SORBS2: variants seen among roughly 807,000 people sequenced by gnomAD.
SORBS2 encodes the protein sorbin and SH3 domain containing 2.
A neutral mutation model predicts 97.7 loss-of-function variants in SORBS2; 46 were observed. The observed-to-expected ratio is 0.47, with a 90% confidence interval of 0.37 to 0.60. The LOEUF (loss-of-function observed/expected upper bound fraction) is 0.60, where lower values mean the gene tolerates loss of function less well. Ranked by LOEUF, SORBS2 falls within the 20% of genes least tolerant of loss-of-function variation. The pLI is 0.00. For missense variants in SORBS2, 1,316 were observed against 1,282.3 expected, an observed-to-expected ratio of 1.03 and a Z score of -0.40; for synonymous variants, 476 against 473.4, an observed-to-expected ratio of 1.01 and a Z score of -0.07.
chr4:185,743,854 A>C (rs1271137850), intron 2 of SORBS2, among the ~76,000 whole-genome samples: 65 of 100,612 alleles, frequency 6.5e-4, no homozygotes, highest in Admixed American at 6.6e-4. Flanking sequence ...TCCTCCTTCT[A>C]TTTTCTTTCC....
chr4:185,612,741 C>T lies in SORBS2; in HGVS notation c.2596-761G>A, dbSNP rs965294328. Among the ~76,000 whole-genome samples the T allele has an allele frequency of 3.3e-5, 5 of 152,264 alleles. No homozygotes were observed. The East Asian group carries it at 5.8e-4, about 18-fold the overall frequency. On this transcript the variant is annotated intron_variant, in intron 11 of 14. Coordinates refer to ENST00000418609, the Ensembl canonical transcript of SORBS2. ...CTGACCTCAAGTGATCTGACCGCCT[C>T]GGCCTCCCAAAGTGCTGGGATTGCA...
At chr4:185,591,726 A>G (rs528688162) in intron 13 of SORBS2, among the ~76,000 whole-genome samples, 1 of 152,286 alleles carries the variant, frequency 6.6e-6, no homozygotes, top group South Asian at 2.1e-4. Context: ...AACCCTGCCC[A>G]GGCTCATCTC....
chr4:185,720,954 C>G (rs2098507983), intron 2 of SORBS2, among the ~76,000 whole-genome samples: 1 of 152,120 alleles, frequency 6.6e-6, no homozygotes, highest in Non-Finnish European at 1.5e-5. Flanking sequence ...ATCTTCTCAC[C>G]CTTGCATTGG....
At chr4:185,794,273 A>T (rs1284801522) in intron 1 of SORBS2, among the ~76,000 whole-genome samples, 3 of 152,174 alleles carry the variant, frequency 2.0e-5, no homozygotes, top group South Asian at 2.1e-4. Flanking sequence ...GAGAAGGAGG[A>T]GGAGGGAGGA....
intron 9 of SORBS2, among the ~76,000 whole-genome samples, chr4:185,617,326 A>G (rs2096644748): frequency 6.6e-6 from 1 of 152,190 alleles, no homozygotes; most frequent in Non-Finnish European, 1.5e-5. Flanking sequence ...AAAAAGATGT[A>G]AGCTTTTCTT....
At chr4:185,914,122 C>A (rs2099256807) in intron 1 of SORBS2, among the ~76,000 whole-genome samples, 1 of 152,230 alleles carries the variant, frequency 6.6e-6, no homozygotes, top group Admixed American at 6.5e-5. Context: ...GGGTTATTTT[C>A]ACTGTGGACA....
chr4:185,916,593 T>C (rs1421971974), intron 1 of SORBS2, among the ~76,000 whole-genome samples: 1 of 152,196 alleles, frequency 6.6e-6, no homozygotes, highest in African/African-American at 2.4e-5. Flanking sequence ...ACGCCCAAGA[T>C]ACGACACTCC....
rs1185991188 is a variant in SORBS2, at chr4:185,820,261, C to T, written c.-337-44895G>A. On this transcript the variant is annotated intron_variant, in intron 1 of 20. Coordinates refer to the SORBS2 transcript ENST00000284776. Reference sequence around the variant, plus strand: ...ACTAGTGTCATCAGTGGGAACTTATCGCAGGCTCCCTGCAACCTCACCTGG... The same window carrying T: ...ACTAGTGTCATCAGTGGGAACTTATTGCAGGCTCCCTGCAACCTCACCTGG... Among the ~76,000 whole-genome samples, 4 of 152,170 alleles carry T rather than the reference C, an allele frequency of 2.6e-5. No homozygotes were observed. The East Asian group carries it at 5.8e-4, about 22-fold the overall frequency.
chr4:185,691,808 G>C (rs1396891830), intron 2 of SORBS2, among the ~76,000 whole-genome samples: 1 of 151,936 alleles, frequency 6.6e-6, no homozygotes, highest in Non-Finnish European at 1.5e-5. Flanking sequence ...GCAGTGGTGC[G>C]ATCTCGGCTC....
At position 185,767,499 on chromosome 4, in the gene SORBS2, C is replaced by CAAAAAAAAAA. The variant is rs70962594; in HGVS notation, c.-198+7718_-198+7727dup. ...TGGGCGACAGAGTGAGACTCTGTCT[C>CAAAAAAAAAA]AAAAAAAAAAAAAAAAAAAAGAGAA... On this transcript the variant is annotated intron_variant, in intron 2 of 20. Transcript: ENST00000284776. Among the ~76,000 whole-genome samples, 58 of 60,680 alleles carry CAAAAAAAAAA rather than the reference C, an allele frequency of 9.6e-4. 2 individuals are homozygous for CAAAAAAAAAA. The East Asian group carries it at 0.018, about 19-fold the overall frequency. 39.8% of individuals were successfully genotyped at this position (60,680 alleles called of 152,430 possible). A position where few individuals can be genotyped will look rare whatever the true frequency, so the allele number is the denominator to read the frequency against.
At chr4:185,793,420 A>G (rs2099090467) in intron 1 of SORBS2, among the ~76,000 whole-genome samples, 1 of 152,224 alleles carries the variant, frequency 6.6e-6, no homozygotes, top group African/African-American at 2.4e-5. Context: ...CCTTAGTGCA[A>G]TGTAATTAAT....
intron 1 of SORBS2, among the ~76,000 whole-genome samples, chr4:185,938,869 C>T (rs2099270432): frequency 6.6e-6 from 1 of 152,168 alleles, no homozygotes; most frequent in Non-Finnish European, 1.5e-5. Context: ...TTACATTCAA[C>T]CCTCTAACTA....
At chr4:185,730,682 G>A (rs1316677035) in intron 2 of SORBS2, among the ~76,000 whole-genome samples, 1 of 152,238 alleles carries the variant, frequency 6.6e-6, no homozygotes, top group Non-Finnish European at 1.5e-5. Context: ...GGTTGCAGTA[G>A]TAAGTTTGCA....
At chr4:185,620,107 C>T in exon 8 of SORBS2, 1 of 1,612,636 alleles carries the variant, frequency 6.2e-7, no homozygotes, top group Non-Finnish European at 8.5e-7. Flanking sequence ...GCACTTCTCC[C>T]CATGTCAGTC....
At chr4:185,747,407 C>A (rs1172111691) in intron 2 of SORBS2, among the ~76,000 whole-genome samples, 1 of 152,220 alleles carries the variant, frequency 6.6e-6, no homozygotes, top group Non-Finnish European at 1.5e-5. Context: ...GAATTTCTTG[C>A]AAACGCTTGA....
rs2099153884 is a variant in SORBS2, at chr4:185,806,434, C to CTGTTTTTTT, written c.-337-31069_-337-31068insAAAAAAACA. Among the ~76,000 whole-genome samples, 105 of 108,150 alleles carry CTGTTTTTTT rather than the reference C, an allele frequency of 9.7e-4. 48 individuals are homozygous for CTGTTTTTTT. Among genetic ancestry groups the CTGTTTTTTT allele is most frequent in the African/African-American group, 3.4e-3 (92 of 27,296 alleles). 71.0% of individuals were successfully genotyped at this position (108,150 alleles called of 152,430 possible). A position where few individuals can be genotyped will look rare whatever the true frequency, so the allele number is the denominator to read the frequency against. ...AGTGGCACAGCTCTTGGCTAGAATCCTATTTTTTTTTTTTTTTTTTTTTTT... is the reference window on the plus strand; with the variant it reads ...AGTGGCACAGCTCTTGGCTAGAATCCTGTTTTTTTTATTTTTTTTTTTTTTTTTTTTTTT... On this transcript the variant is annotated intron_variant, in intron 1 of 20. Transcript: ENST00000284776.
At chr4:185,706,565 AC>A (rs1463847886) in intron 2 of SORBS2, among the ~76,000 whole-genome samples, 1 of 152,080 alleles carries the variant, frequency 6.6e-6, no homozygotes, top group Non-Finnish European at 1.5e-5. Context: ...ACATCTACAC[AC>A]CAACCATCTA....
chr4:185,827,338 A>G (rs1433406784), intron 1 of SORBS2, among the ~76,000 whole-genome samples: 4 of 26,214 alleles, frequency 1.5e-4, no homozygotes, highest in Admixed American at 2.8e-4. Flanking sequence ...CATCATCATC[A>G]TCATCATCAT....
Position 185,594,832 on chromosome 4 carries a change from C to G in SORBS2, c.2797-897G>C, listed in dbSNP as rs145197419. On this transcript the variant is annotated intron_variant, in intron 12 of 14. Transcript: ENST00000418609. Reference sequence around the variant, plus strand: ...AAATGCAAACAAATCATTCATAATCCATTTCAAAAGCATTTGCTTCTAAAT... The same window carrying G: ...AAATGCAAACAAATCATTCATAATCGATTTCAAAAGCATTTGCTTCTAAAT... Among the ~76,000 whole-genome samples the G allele has an allele frequency of 4.6e-3, 705 of 152,204 alleles. 8 individuals carry two copies. Among genetic ancestry groups the G allele is most frequent in the African/African-American group, 0.016 (679 of 41,526 alleles).
Sources: gnomAD v4.1 joint callset for allele counts (sites outside exome capture counted in the v4.1 genomes callset) on GRCh38, gnomAD v4.1.1 for gene constraint, MANE v1.5 for transcripts, NCBI Gene and HGNC (gene_info 2026-07-23, HGNC 2026-07-21) for gene names.